GRIA4: variants seen among roughly 807,000 people sequenced by gnomAD.
GRIA4 encodes glutamate receptor 4.
A neutral mutation model predicts 104.0 loss-of-function variants in GRIA4; 34 were observed. The ratio of observed to expected loss-of-function variants is 0.33; its 90% CI spans 0.25 to 0.44. The LOEUF is 0.44. GRIA4 is among the 20% of genes least tolerant of loss of function. GRIA4 has a pLI of 1.00. For missense variants in GRIA4, 750 were observed against 1,096.5 expected (o/e 0.68, Z 4.46); for synonymous variants, 386 against 381.9 (o/e 1.01, Z -0.13).
At chr11:105,773,403 T>C (rs887388542) in intron 4 of GRIA4, among the ~76,000 whole-genome samples, 24 of 152,274 alleles carry the variant, frequency 1.6e-4, no homozygotes, top group African/African-American at 5.5e-4. Flanking sequence ...GGCTTTATAA[T>C]AACTGAATTC....
rs1219289457 is a variant in GRIA4 at position 105,977,420 on chromosome 11, G to T, written c.2545-2155G>T. Among the ~76,000 whole-genome samples, 4 of 151,996 alleles carry T rather than the reference G, an allele frequency of 2.6e-5. No individual in the cohort carries two copies. In the South Asian group the frequency reaches 8.3e-4, roughly 31 times the overall value. On this transcript the variant is annotated intron_variant, in intron 16 of 16. Coordinates refer to ENST00000282499, the MANE Select transcript of GRIA4 (RefSeq NM_000829.4). ...TAAGATGGGCTAATACATTGGTTTG[G>T]ATTAGACTCGTGGATATTCATTTTT...
At chr11:105,971,337 T>C (rs1313738443) in intron 14 of GRIA4, among the ~76,000 whole-genome samples, 1 of 152,242 alleles carries the variant, frequency 6.6e-6, no homozygotes, top group Non-Finnish European at 1.5e-5. Flanking sequence ...TTTCTCCTGA[T>C]GACCTTCCTC....
At chr11:105,789,870 T>C (rs1377948031) in intron 4 of GRIA4, among the ~76,000 whole-genome samples, 1 of 152,146 alleles carries the variant, frequency 6.6e-6, no homozygotes, top group Non-Finnish European at 1.5e-5. Flanking sequence ...AAAAAATTGC[T>C]AAGTGAAGTC....
In GRIA4 at chr11:105,672,428, T is replaced by C. The variant is rs143139986; in HGVS notation, c.247+59994T>C. ...TATGTTAATGAGAAAATGAAGTTAA[T>C]ATAACTCTCAAGTTACTGAGAAAAA... On this transcript the variant is annotated intron_variant, in intron 3 of 16. Coordinates refer to ENST00000282499, the MANE Select transcript of GRIA4 (RefSeq NM_000829.4). 4.1e-3 allele frequency among the ~76,000 whole-genome samples: 628 copies of C among 152,254 alleles called. 4 individuals carry two copies. The highest frequency in any genetic ancestry group is 6.6e-3 in the Non-Finnish European group (449 of 68,012).
chr11:105,771,252 AAACT>A (rs1319690214), intron 4 of GRIA4, among the ~76,000 whole-genome samples: 2 of 152,020 alleles, frequency 1.3e-5, no homozygotes, highest in Non-Finnish European at 2.9e-5. Context: ...ACCTCTTCAA[AAACT>A]AACCTTCCTT....
At chr11:105,895,711 A>G (rs1389384363) in intron 6 of GRIA4, among the ~76,000 whole-genome samples, 1 of 152,078 alleles carries the variant, frequency 6.6e-6, no homozygotes, top group African/African-American at 2.4e-5. Context: ...GCAAGAAGGG[A>G]TAGTATCCTT....
intron 4 of GRIA4, among the ~76,000 whole-genome samples, chr11:105,787,893 A>G (rs879919117): frequency 4.6e-5 from 7 of 152,156 alleles, no homozygotes; most frequent in Non-Finnish European, 8.8e-5. Context: ...TTGTTTTATT[A>G]GCATTACTAT....
intron 4 of GRIA4, among the ~76,000 whole-genome samples, chr11:105,781,936 G>A (rs1003730547): frequency 6.6e-6 from 1 of 152,104 alleles, no homozygotes; most frequent in African/African-American, 2.4e-5. Flanking sequence ...GGATTCAGGG[G>A]AAACAGTACC....
At chr11:105,660,230 A>C (rs1951966449) in intron 3 of GRIA4, among the ~76,000 whole-genome samples, 1 of 151,760 alleles carries the variant, frequency 6.6e-6, no homozygotes, top group South Asian at 2.1e-4. Context: ...TAGGTGTCCA[A>C]AACACTGATA....
intron 4 of GRIA4, among the ~76,000 whole-genome samples, chr11:105,785,183 A>T (rs1941905288): frequency 6.6e-6 from 1 of 152,200 alleles, no homozygotes; most frequent in Non-Finnish European, 1.5e-5. Flanking sequence ...ATAATCAGAG[A>T]CATAAACTAG....
chr11:105,825,344 G>T (rs1031600790), intron 4 of GRIA4, among the ~76,000 whole-genome samples: 1 of 152,002 alleles, frequency 6.6e-6, no homozygotes, highest in Admixed American at 6.6e-5. Context: ...CCAGGCCTAG[G>T]CATTTATGGG....
At chr11:105,753,419 C>A (rs1466942456) in intron 4 of GRIA4, among the ~76,000 whole-genome samples, 199 bp downstream of exon 4, 1 of 152,104 alleles carries the variant, frequency 6.6e-6, no homozygotes, top group East Asian at 1.9e-4. Context: ...TACTCCTGAG[C>A]AAACCATGCT....
chr11:105,952,129 T>A (rs1334971859), intron 14 of GRIA4, among the ~76,000 whole-genome samples: 3 of 152,194 alleles, frequency 2.0e-5, no homozygotes, highest in Non-Finnish European at 2.9e-5. Context: ...TGTTTTTATT[T>A]CGCTTACCTT....
At chr11:105,930,856 C>G (rs746519378) in intron 13 of GRIA4, among the ~76,000 whole-genome samples, 1 of 151,992 alleles carries the variant, frequency 6.6e-6, no homozygotes, top group Non-Finnish European at 1.5e-5. Flanking sequence ...TTTTCTATGT[C>G]GTGTACATAG....
chr11:105,712,700 T>C (rs1953953752), intron 3 of GRIA4, among the ~76,000 whole-genome samples: 1 of 123,838 alleles, frequency 8.1e-6, no homozygotes, highest in South Asian at 2.5e-4. Context: ...TTTTTGTTTT[T>C]GTTTTGCTTT....
At chr11:105,763,389 A>G (rs1940761786) in intron 4 of GRIA4, among the ~76,000 whole-genome samples, 1 of 152,156 alleles carries the variant, frequency 6.6e-6, no homozygotes, top group South Asian at 2.1e-4. Context: ...TTGGTTCTGT[A>G]CCACTGTGTA....
At chr11:105,868,282 G>A (rs1414778602) in intron 5 of GRIA4, among the ~76,000 whole-genome samples, 1 of 152,122 alleles carries the variant, frequency 6.6e-6, no homozygotes, top group Non-Finnish European at 1.5e-5. Flanking sequence ...ATGCTCAAAA[G>A]GTAATCAAGA....
At chr11:105,803,289 T>C (rs1378751060) in intron 4 of GRIA4, among the ~76,000 whole-genome samples, 2 of 151,964 alleles carry the variant, frequency 1.3e-5, no homozygotes, top group African/African-American at 4.8e-5. Flanking sequence ...GAGATATTAG[T>C]TCCATGTTAG....
At chr11:105,913,745 C>G (rs1391639897) in intron 10 of GRIA4, among the ~76,000 whole-genome samples, 1 of 151,856 alleles carries the variant, frequency 6.6e-6, no homozygotes, top group Non-Finnish European at 1.5e-5. Flanking sequence ...CCTTTTTTCC[C>G]CAAAGCTTTA....
Sources: allele counts gnomAD v4.1 joint callset (sites outside exome capture counted in the v4.1 genomes callset), GRCh38; gene constraint gnomAD v4.1.1; transcripts MANE v1.5; gene names NCBI Gene and HGNC (gene_info 2026-07-23, HGNC 2026-07-21).